EZH2: variants seen among roughly 807,000 people sequenced by gnomAD.
EZH2 encodes histone-lysine N-methyltransferase EZH2.
In EZH2, 18 loss-of-function variants were observed where a neutral mutation model predicts 98.4. The ratio of observed to expected loss-of-function variants is 0.18; its 90% CI spans 0.13 to 0.27. The LOEUF is 0.27. Ranked by LOEUF, EZH2 falls within the 10% of genes least tolerant of loss-of-function variation. The pLI is 1.00. For missense variants in EZH2, 470 were observed against 935.1 expected (o/e 0.50, Z 6.49); for synonymous variants, 338 against 312.3 (o/e 1.08, Z -0.87).
chr7:148,813,857 C>G (rs1803845136), intron 15 of EZH2, 102 bp downstream of exon 15: 11 of 1,242,296 alleles, frequency 8.9e-6, no homozygotes, highest in Non-Finnish European at 1.1e-5. Flanking sequence ...TCAAGGATCA[C>G]TTTTACTTTT....
chr7:148,838,890 T>C (rs1320355185), intron 3 of EZH2, among the ~76,000 whole-genome samples: 12 of 151,934 alleles, frequency 7.9e-5, no homozygotes, highest in Admixed American at 7.9e-4. Context: ...CTGTCTTTAC[T>C]AAAATACAAA....
At position 148,811,652 on chromosome 7, in the gene EZH2, A is replaced by C; in HGVS notation, c.1920T>G (p.Asn640Lys). The C allele has an allele frequency of 6.2e-7, 1 of 1,613,728 alleles. No homozygotes were observed. Among genetic ancestry groups the C allele is most frequent in the Non-Finnish European group, 8.5e-7 (1 of 1,180,000 alleles). The change falls in exon 16 of 20, where the codon AAT (asparagine) becomes AAG (lysine). Residue 640 changes from asparagine (N) to lysine (K), a missense_variant. Asn to Lys is a moderately conservative substitution (Grantham distance 94, BLOSUM62 0). Coordinates refer to ENST00000320356, the MANE Select transcript of EZH2 (RefSeq NM_004456.5). ...GIFIKDPVQK[N>K]EFISEYCGEI... ...CTCCACAGTATTCTGAGATGAATTC[A>C]TTTTTCTGCACAGGATCTTTGATAA...
chr7:148,843,596 T>G (rs887364554), intron 3 of EZH2, among the ~76,000 whole-genome samples: 3 of 111,522 alleles, frequency 2.7e-5, no homozygotes, highest in Admixed American at 9.2e-5. Context: ...TTTTTTTTTT[T>G]TTTTTTTTTT....
chr7:148,856,471 T>C (rs1276856735), intron 1 of EZH2, among the ~76,000 whole-genome samples: 12 of 152,092 alleles, frequency 7.9e-5, no homozygotes, highest in Non-Finnish European at 1.5e-5. Flanking sequence ...ATTTCCAGGG[T>C]CTGTCCAACA....
chr7:148,880,000 TCAGGAGGCTGAGA>T (rs1335103346), intron 1 of EZH2, among the ~76,000 whole-genome samples: 1 of 152,194 alleles, frequency 6.6e-6, no homozygotes, highest in East Asian at 1.9e-4. Context: ...TACCAGTTAC[TCAGGAGGCTGAGA>T]CAGGAGGATC....
At chr7:148,879,524 C>G (rs570835245) in intron 1 of EZH2, among the ~76,000 whole-genome samples, 4 of 152,008 alleles carry the variant, frequency 2.6e-5, no homozygotes, top group Non-Finnish European at 5.9e-5. Context: ...AATCCCATCA[C>G]TACTAAAAAT....
At chr7:148,838,760 T>G (rs1338754196) in intron 3 of EZH2, among the ~76,000 whole-genome samples, 1 of 152,108 alleles carries the variant, frequency 6.6e-6, no homozygotes. Context: ...GAGGTTCAAG[T>G]GAGTGGGCAA....
chr7:148,816,637 GT>G, intron 12 of EZH2, 46 bp downstream of exon 12: 1 of 1,434,834 alleles, frequency 7.0e-7, no homozygotes, highest in Non-Finnish European at 9.8e-7. Context: ...CTTGCCTGCA[GT>G]GTCTATCTAT....
intron 10 of EZH2, 103 bp downstream of exon 10, chr7:148,817,774 A>C (rs1804959377): frequency 1.3e-6 from 2 of 1,496,048 alleles, no homozygotes; most frequent in South Asian, 2.5e-5. Context: ...CTTTATACTG[A>C]AACTAACCAA....
chr7:148,829,036 G>A (rs1287814617), intron 5 of EZH2, among the ~76,000 whole-genome samples, 156 bp from the exon 6 acceptor site: 1 of 152,082 alleles, frequency 6.6e-6, no homozygotes, highest in Non-Finnish European at 1.5e-5. Flanking sequence ...ATCATTTTCA[G>A]GACTGGTGTT....
At chr7:148,881,940 A>G (rs533451341) in intron 1 of EZH2, among the ~76,000 whole-genome samples, 3 of 138,806 alleles carry the variant, frequency 2.2e-5, no homozygotes, top group African/African-American at 8.4e-5. Context: ...TCTCAAAAAA[A>G]AAAAAACATA....
chr7:148,844,123 G>GA (rs1232267255), intron 3 of EZH2, among the ~76,000 whole-genome samples: 3 of 152,232 alleles, frequency 2.0e-5, no homozygotes, highest in African/African-American at 4.8e-5. Context: ...CTACCACTAG[G>GA]AAAGTCTTTG....
At chr7:148,866,171 G>A (rs1818414919) in intron 1 of EZH2, among the ~76,000 whole-genome samples, 1 of 151,934 alleles carries the variant, frequency 6.6e-6, no homozygotes, top group African/African-American at 2.4e-5. Flanking sequence ...CACACTGCCG[G>A]GGTACTACAA....
chr7:148,840,082 C>A (rs1423773824), intron 3 of EZH2, among the ~76,000 whole-genome samples: 1 of 152,140 alleles, frequency 6.6e-6, no homozygotes, highest in African/African-American at 2.4e-5. Flanking sequence ...AACAGACATT[C>A]CATAAACAGC....
At chr7:148,816,841 C>T in intron 11 of EZH2, 63 bp from the exon 12 acceptor site, 1 of 1,149,826 alleles carries the variant, frequency 8.7e-7, no homozygotes, top group Non-Finnish European at 1.3e-6. Context: ...CATTCTTATA[C>T]TCATGCATAC....
At position 148,875,438 on chromosome 7, in the gene EZH2, T is replaced by C. The variant is rs199915122; in HGVS notation, c.-8+8726A>G. ...CCACTCAACCAGACAAACAATCCAATTTTTTAAAGGGACAAAAGGCTTGAA... is the reference window on the plus strand; with the variant it reads ...CCACTCAACCAGACAAACAATCCAACTTTTTAAAGGGACAAAAGGCTTGAA... On this transcript the variant is annotated intron_variant, in intron 1 of 19. Coordinates refer to ENST00000320356, the MANE Select transcript of EZH2 (RefSeq NM_004456.5). Among the ~76,000 whole-genome samples the C allele has an allele frequency of 7.9e-5, 12 of 152,284 alleles. No homozygotes were observed. In the East Asian group the frequency reaches 2.1e-3, roughly 27 times the overall value.
chr7:148,869,474 C>G (rs749417759), intron 1 of EZH2, among the ~76,000 whole-genome samples: 13 of 151,526 alleles, frequency 8.6e-5, no homozygotes, highest in Non-Finnish European at 1.6e-4. Flanking sequence ...CTCTCCCATG[C>G]AGCTGGGACT....
At chr7:148,811,573 AG>A in intron 16 of EZH2, 51 bp downstream of exon 16, 1 of 1,389,400 alleles carries the variant, frequency 7.2e-7, no homozygotes, top group South Asian at 1.2e-5. Context: ...TCTAAAATAA[AG>A]TAAAGTTAGT....
rs138569406 is a variant in EZH2, at chr7:148,810,257, G to A, written c.2029+76C>T. On this transcript the variant is annotated intron_variant, in intron 17 of 19. Coordinates refer to ENST00000320356, the MANE Select transcript of EZH2 (RefSeq NM_004456.5). Reference sequence around the variant, plus strand: ...GGTCACCTCACTGACCTCTACCCTCGTTTCTGAACACTCGGCCGGCAGAAG... The same window carrying A: ...GGTCACCTCACTGACCTCTACCCTCATTTCTGAACACTCGGCCGGCAGAAG... The A allele has an allele frequency of 3.3e-4, 367 of 1,116,940 alleles. No individual in the cohort carries two copies. In the African/African-American group the frequency reaches 4.6e-3, roughly 14 times the overall value. The allele number at this position is 1,116,940 out of a possible 1,614,324, so 69.2% of individuals were successfully genotyped here.
Sources: allele counts gnomAD v4.1 joint callset (sites outside exome capture counted in the v4.1 genomes callset), GRCh38; gene constraint gnomAD v4.1.1; transcripts MANE v1.5; gene names NCBI Gene and HGNC (gene_info 2026-07-23, HGNC 2026-07-21).